The following GRID2 variants were observed in gnomAD, a reference collection of about 807,000 sequenced individuals.
GRID2 encodes glutamate receptor ionotropic, delta-2.
In GRID2, 33 loss-of-function variants were observed where a neutral mutation model predicts 114.8. The observed-to-expected ratio is 0.29, with a 90% CI of 0.22 to 0.38. The LOEUF (loss-of-function observed/expected upper bound fraction) is 0.38. GRID2 is among the 10% of genes least tolerant of loss of function. The pLI, the probability that GRID2 is intolerant of heterozygous loss-of-function variation, is 1.00. For missense variants in GRID2, 1,184 were observed against 1,257.7 expected (o/e 0.94, Z 0.89); for synonymous variants, 505 against 449.9 (o/e 1.12, Z -1.55).
chr4:93,384,807 T>G (rs1271227257), intron 8 of GRID2, among the ~76,000 whole-genome samples: 1 of 152,168 alleles, frequency 6.6e-6, no homozygotes, highest in East Asian at 1.9e-4. Flanking sequence ...AAAATACGCC[T>G]GACTTTCTCA....
rs374026739 is a variant in GRID2, at chr4:93,526,398, A to C, written c.2193+10987A>C. On this transcript the variant is annotated intron_variant, in intron 13 of 15. Transcript: ENST00000282020. ...TACCCAGTCTCAGGCATTTCTTTAT[A>C]GCTGTGAGAAAATGAACTATTACAC... Among the ~76,000 whole-genome samples, 409 of 152,284 alleles carry C rather than the reference A, an allele frequency of 2.7e-3. 4 individuals are homozygous for C. Among genetic ancestry groups the C allele is most frequent in the Middle Eastern group, 0.01 (3 of 294 alleles).
At chr4:92,445,602 A>G (rs1579377525) in intron 1 of GRID2, among the ~76,000 whole-genome samples, 1 of 152,184 alleles carries the variant, frequency 6.6e-6, no homozygotes, top group Non-Finnish European at 1.5e-5. Flanking sequence ...GTAAGGTGCT[A>G]CCCTTGAATC....
At chr4:93,060,181 C>A (rs1727649724) in intron 2 of GRID2, among the ~76,000 whole-genome samples, 2 of 152,088 alleles carry the variant, frequency 1.3e-5, no homozygotes. Context: ...TTAGACTCCC[C>A]AGTTAATGAG....
At chr4:92,903,837 T>A (rs1419917550) in intron 2 of GRID2, among the ~76,000 whole-genome samples, 4 of 152,038 alleles carry the variant, frequency 2.6e-5, no homozygotes, top group Non-Finnish European at 5.9e-5. Context: ...ATACCGCACT[T>A]CTCTCTCCTC....
At chr4:92,622,132 A>G (rs1210659329) in intron 2 of GRID2, among the ~76,000 whole-genome samples, 1 of 151,712 alleles carries the variant, frequency 6.6e-6, no homozygotes, top group Non-Finnish European at 1.5e-5. Flanking sequence ...TACTGGGGAG[A>G]GTCAATTAGA....
chr4:92,919,079 G>C (rs1749074045), intron 2 of GRID2, among the ~76,000 whole-genome samples: 1 of 152,124 alleles, frequency 6.6e-6, no homozygotes, highest in East Asian at 1.9e-4. Flanking sequence ...TTTAGTCTTG[G>C]AAGAGTGTAT....
chr4:92,984,474 G>T (rs897495967), intron 2 of GRID2, among the ~76,000 whole-genome samples: 1 of 152,200 alleles, frequency 6.6e-6, no homozygotes, highest in Non-Finnish European at 1.5e-5. Flanking sequence ...TTGTATCTTT[G>T]TGTCTTGGAC....
At chr4:93,112,496 C>A (rs1349254112) in intron 4 of GRID2, among the ~76,000 whole-genome samples, 2 of 152,118 alleles carry the variant, frequency 1.3e-5, no homozygotes, top group Non-Finnish European at 2.9e-5. Flanking sequence ...TGACTCTCTC[C>A]TGCCTCCTTG....
chr4:92,890,180 C>G (rs886878594), intron 2 of GRID2, among the ~76,000 whole-genome samples: 6 of 152,110 alleles, frequency 3.9e-5, no homozygotes, highest in Non-Finnish European at 8.8e-5. Flanking sequence ...AAAACCTGGG[C>G]AATATCATTC....
chr4:93,549,139 G>GT (rs1386259724), intron 13 of GRID2, among the ~76,000 whole-genome samples: 2 of 152,044 alleles, frequency 1.3e-5, no homozygotes, highest in Non-Finnish European at 2.9e-5. Flanking sequence ...ATCAAATACA[G>GT]TTAGTTGCCT....
intron 10 of GRID2, among the ~76,000 whole-genome samples, chr4:93,430,318 T>C (rs1769285594): frequency 6.6e-6 from 1 of 152,080 alleles, no homozygotes; most frequent in East Asian, 1.9e-4. Flanking sequence ...GTAGCTGTGA[T>C]TACACGCACC....
intron 2 of GRID2, among the ~76,000 whole-genome samples, chr4:92,739,292 AGG>A (rs1736755894): frequency 6.6e-6 from 1 of 152,212 alleles, no homozygotes; most frequent in Non-Finnish European, 1.5e-5. Context: ...AATTATTCTA[AGG>A]ATTCTTCAAA....
chr4:92,531,788 T>C (rs1381061477), intron 1 of GRID2, among the ~76,000 whole-genome samples: 1 of 152,026 alleles, frequency 6.6e-6, no homozygotes, highest in African/African-American at 2.4e-5. Flanking sequence ...AATTCTCAGT[T>C]TTTTTTCTTC....
Position 92,769,361 on chromosome 4 carries a change from C to T in GRID2, c.244+179075C>T, listed in dbSNP as rs189165634. ...CTCCCTCTCACCTGCTTTCATGGGC[C>T]GGCGTTGAGTGTCTGTGGCTTTTCC... On this transcript the variant is annotated intron_variant, in intron 2 of 15. Coordinates refer to ENST00000282020, the MANE Select transcript of GRID2 (RefSeq NM_001510.4). 4.1e-4 allele frequency among the ~76,000 whole-genome samples: 63 copies of T among 152,250 alleles called. 1 individual carries two copies. The highest frequency in any genetic ancestry group is 3.4e-3 in the Middle Eastern group (1 of 294).
At chr4:93,482,919 T>A (rs1726018858) in intron 11 of GRID2, among the ~76,000 whole-genome samples, 1 of 151,932 alleles carries the variant, frequency 6.6e-6, no homozygotes, top group Non-Finnish European at 1.5e-5. Flanking sequence ...CGCACTTGTA[T>A]CTCTTGTTCA....
intron 1 of GRID2, among the ~76,000 whole-genome samples, chr4:92,356,004 T>C (rs1348391393): frequency 6.6e-6 from 1 of 151,854 alleles, no homozygotes. Flanking sequence ...CTAAATAAAA[T>C]GGCATTTCAT....
chr4:92,425,619 G>A (rs1037501834), intron 1 of GRID2, among the ~76,000 whole-genome samples: 1 of 152,060 alleles, frequency 6.6e-6, no homozygotes, highest in Non-Finnish European at 1.5e-5. Context: ...TCTGTAGTAT[G>A]TTTGTGTAGC....
intron 1 of GRID2, among the ~76,000 whole-genome samples, chr4:92,503,078 G>A (rs1723770473): frequency 6.6e-6 from 1 of 151,926 alleles, no homozygotes; most frequent in African/African-American, 2.4e-5. Flanking sequence ...CTTGAAATGT[G>A]GATACCTTGA....
chr4:92,933,915 A>C (rs1349059162), intron 2 of GRID2, among the ~76,000 whole-genome samples: 2 of 151,750 alleles, frequency 1.3e-5, no homozygotes, highest in Middle Eastern at 3.2e-3. Context: ...CTGAAAGTAG[A>C]AGGTAATTAT....
Sources: gnomAD v4.1 joint callset for allele counts (sites outside exome capture counted in the v4.1 genomes callset) on GRCh38, gnomAD v4.1.1 for gene constraint, MANE v1.5 for transcripts, NCBI Gene and HGNC (gene_info 2026-07-23, HGNC 2026-07-21) for gene names.